FILIP1L: variants seen among roughly 807,000 people sequenced by gnomAD.
The protein encoded by FILIP1L is filamin A interacting protein 1 like, also known as filamin A-interacting protein 1-like.
FILIP1L carries 55 observed loss-of-function variants against 96.6 expected under a neutral mutation model. The observed-to-expected ratio is 0.57, with a 90% CI of 0.46 to 0.71. FILIP1L has a LOEUF of 0.71. Ranked by LOEUF, FILIP1L falls within the 30% of genes least tolerant of loss-of-function variation. The pLI is 0.00. For synonymous variants in FILIP1L, 467 were observed against 473.9 expected (o/e 0.99, Z 0.19); for missense variants, 1,304 against 1,321.2 (o/e 0.99, Z 0.20).
At chr3:100,086,129 C>T (rs1452619598) in intron 1 of FILIP1L, among the ~76,000 whole-genome samples, 1 of 152,190 alleles carries the variant, frequency 6.6e-6, no homozygotes, top group African/African-American at 2.4e-5. Flanking sequence ...CTTTCTGCAG[C>T]GAACCTGCAT....
chr3:100,089,198 G>A (rs2107427455), intron 1 of FILIP1L, among the ~76,000 whole-genome samples: 1 of 152,278 alleles, frequency 6.6e-6, no homozygotes, highest in African/African-American at 2.4e-5. Flanking sequence ...TCTAGCTCTT[G>A]TTTTCAGTGG....
chr3:99,922,645 G>A (rs1046882648), intron 4 of FILIP1L, among the ~76,000 whole-genome samples: 2 of 152,212 alleles, frequency 1.3e-5, no homozygotes, highest in African/African-American at 4.8e-5. Flanking sequence ...AGCCATTTGA[G>A]ATTGGTTACT....
At chr3:99,834,428 T>C (rs943534087) in intron 5 of FILIP1L, among the ~76,000 whole-genome samples, 2 of 152,230 alleles carry the variant, frequency 1.3e-5, no homozygotes, top group African/African-American at 4.8e-5. Context: ...TCTCTCTTTC[T>C]GTGGAAATTA....
At chr3:99,978,159 T>C (rs2107728214) in intron 1 of FILIP1L, among the ~76,000 whole-genome samples, 1 of 151,890 alleles carries the variant, frequency 6.6e-6, no homozygotes, top group South Asian at 2.1e-4. Context: ...AGACTAAGAG[T>C]AGTATATAAA....
In FILIP1L at chr3:99,948,762, GAAGGAAAGAAAAAGAGA is replaced by G. The variant is rs376257939; in HGVS notation, c.-10-17749_-10-17733del. Among the ~76,000 whole-genome samples, 1,003 of 151,532 alleles carry G rather than the reference GAAGGAAAGAAAAAGAGA, an allele frequency of 6.6e-3. 7 individuals are homozygous for G. The highest frequency in any genetic ancestry group is 0.019 in the African/African-American group (768 of 41,238). ...GAAAGGAAAAAAGAGGAAAAGGAAGGAAGGAAAGAAAAAGAGAAAGGAAAGAAAAAGAGAAGAAAGAA... is the reference window on the plus strand; with the variant it reads ...GAAAGGAAAAAAGAGGAAAAGGAAGGAAGGAAAGAAAAAGAGAAGAAAGAA... On this transcript the variant is annotated intron_variant, in intron 1 of 5. Transcript: ENST00000477258.
intron 5 of FILIP1L, among the ~76,000 whole-genome samples, chr3:99,839,702 T>C (rs1172255523): frequency 6.6e-6 from 1 of 152,218 alleles, no homozygotes; most frequent in African/African-American, 2.4e-5. Context: ...TATAAAATAC[T>C]GTAATAATAC....
At chr3:99,870,882 A>G (rs1944755454) in intron 4 of FILIP1L, among the ~76,000 whole-genome samples, 1 of 152,194 alleles carries the variant, frequency 6.6e-6, no homozygotes, top group South Asian at 2.1e-4. Flanking sequence ...CACCTGAGGC[A>G]CAGAGATTAG....
intron 1 of FILIP1L, among the ~76,000 whole-genome samples, chr3:99,936,081 G>A (rs1559695242): frequency 6.6e-6 from 1 of 151,886 alleles, no homozygotes; most frequent in Non-Finnish European, 1.5e-5. Flanking sequence ...ATACTTTTTA[G>A]TCTTCATTTT....
intron 1 of FILIP1L, chr3:100,051,343 C>A (rs1398447240): frequency 1.3e-5 from 2 of 151,578 alleles, no homozygotes; most frequent in Non-Finnish European, 2.9e-5. Flanking sequence ...TAATATAAAC[C>A]AATGGCTTAT....
At chr3:100,017,435 C>G (rs1056151273) in intron 1 of FILIP1L, among the ~76,000 whole-genome samples, 1 of 152,204 alleles carries the variant, frequency 6.6e-6, no homozygotes, top group African/African-American at 2.4e-5. Context: ...TTCTTCAGCA[C>G]CACTTTATCC....
intron 1 of FILIP1L, among the ~76,000 whole-genome samples, chr3:100,049,996 T>C (rs1045401638): frequency 7.9e-5 from 12 of 152,188 alleles, no homozygotes; most frequent in African/African-American, 2.7e-4. Context: ...ATATACTGTG[T>C]GGTTCTTTAC....
In FILIP1L at chr3:100,081,682, TA is replaced by T. The variant is rs1205435466; in HGVS notation, c.-11+32370del. 7.2e-5 allele frequency among the ~76,000 whole-genome samples: 11 copies of T among 152,344 alleles called. No homozygotes were observed. The South Asian group carries it at 2.1e-3, about 29-fold the overall frequency. ...AAAAGTTCTCTAAGAAGGGATTTTT[TA>T]AAATATATCCATCAATACAGGTAAA... On this transcript the variant is annotated intron_variant, in intron 1 of 5. Coordinates refer to ENST00000477258, the MANE Select transcript of FILIP1L (RefSeq NM_001387850.1).
intron 1 of FILIP1L, among the ~76,000 whole-genome samples, chr3:100,112,986 A>G (rs2066515202): frequency 6.6e-6 from 1 of 152,224 alleles, no homozygotes; most frequent in Non-Finnish European, 1.5e-5. Flanking sequence ...ACATTGCTGT[A>G]ATTGCAATGC....
chr3:100,012,612 G>A (rs1710190743), intron 1 of FILIP1L, among the ~76,000 whole-genome samples: 1 of 152,088 alleles, frequency 6.6e-6, no homozygotes, highest in African/African-American at 2.4e-5. Context: ...CCCACCGTGG[G>A]CCTAATTATT....
intron 1 of FILIP1L, among the ~76,000 whole-genome samples, chr3:99,954,686 C>T (rs188080312): frequency 1.3e-5 from 2 of 152,000 alleles, no homozygotes; most frequent in Non-Finnish European, 2.9e-5. Context: ...ATTAGCCAAG[C>T]ATGGTGGTGC....
Position 100,069,834 on chromosome 3 carries a change from C to T in FILIP1L, c.-11+44219G>A, listed in dbSNP as rs539657651. Among the ~76,000 whole-genome samples the T allele has an allele frequency of 8.7e-4, 133 of 152,098 alleles. 1 individual carries two copies. The highest frequency in any genetic ancestry group is 3.0e-3 in the African/African-American group (123 of 41,500). On this transcript the variant is annotated intron_variant, in intron 1 of 5. Transcript: ENST00000477258. ...GGCATAAGCAGAAATATTTGCCCTA[C>T]GAGAGGGAGCTGATATCTACCCTGG...
chr3:100,019,940 G>A (rs1043192790), intron 1 of FILIP1L, among the ~76,000 whole-genome samples: 4 of 152,052 alleles, frequency 2.6e-5, no homozygotes, highest in African/African-American at 7.2e-5. Flanking sequence ...GGGCAGGGGG[G>A]AATGTGGCAC....
chr3:100,103,085 C>G (rs2066336492), intron 1 of FILIP1L, among the ~76,000 whole-genome samples: 2 of 152,228 alleles, frequency 1.3e-5, no homozygotes, highest in African/African-American at 4.8e-5. Context: ...GTACACAGAT[C>G]TAGTCTTTGT....
chr3:100,068,350 C>CTG (rs62958661), intron 1 of FILIP1L, among the ~76,000 whole-genome samples: 1,618 of 149,492 alleles, frequency 0.011, 9 homozygotes, highest in African/African-American at 0.023. Flanking sequence ...GAAAGAGCCT[C>CTG]TGTGTGTGTG....
Sources: allele counts gnomAD v4.1 joint callset (sites outside exome capture counted in the v4.1 genomes callset), GRCh38; gene constraint gnomAD v4.1.1; transcripts MANE v1.5; gene names NCBI Gene and HGNC (gene_info 2026-07-23, HGNC 2026-07-21).